RCAN2: variants seen among roughly 807,000 people sequenced by gnomAD.
RCAN2 encodes the protein calcipressin-2.
A neutral mutation model predicts 23.6 loss-of-function variants in RCAN2; 9 were observed. The observed-to-expected ratio is 0.38, with a 90% confidence interval of 0.23 to 0.67. The LOEUF (loss-of-function observed/expected upper bound fraction) is 0.67. Ranked by LOEUF, RCAN2 falls within the 30% of genes least tolerant of loss-of-function variation. The probability of loss-of-function intolerance (pLI) is 0.51; values close to 1 mark genes in which losing one functional copy is unlikely to be tolerated. For missense variants in RCAN2, 273 were observed against 302.3 expected, an observed-to-expected ratio of 0.90 and a Z score of 0.72; for synonymous variants, 109 against 115.7, an observed-to-expected ratio of 0.94 and a Z score of 0.37.
At chr6:46,306,106 C>T (rs1763058541) in intron 2 of RCAN2, among the ~76,000 whole-genome samples, 1 of 152,046 alleles carries the variant, frequency 6.6e-6, no homozygotes, top group South Asian at 2.1e-4. Context: ...TACAAAATGC[C>T]TCTGATTACA....
In RCAN2 at chr6:46,233,888, C is replaced by T. The variant is rs188072680; in HGVS notation, c.572-10587G>A. 1.2e-4 allele frequency among the ~76,000 whole-genome samples: 19 copies of T among 152,116 alleles called. No individual in the cohort carries two copies. In the East Asian group the frequency reaches 1.9e-3, roughly 15 times the overall value. ...GATTACAGGCACCTACGATCACACC[C>T]GGCTAATTTTTTGTATTTTTAGTAG... On this transcript the variant is annotated intron_variant, in intron 4 of 4. Coordinates refer to ENST00000371374, the MANE Select transcript of RCAN2 (RefSeq NM_001251974.2).
At chr6:46,347,963 T>C (rs1764537457) in intron 2 of RCAN2, among the ~76,000 whole-genome samples, 1 of 152,172 alleles carries the variant, frequency 6.6e-6, no homozygotes, top group African/African-American at 2.4e-5. Flanking sequence ...TGAGAATAAA[T>C]AAGTAAGACC....
intron 2 of RCAN2, among the ~76,000 whole-genome samples, chr6:46,278,764 G>A (rs1480293581): frequency 6.6e-6 from 1 of 152,076 alleles, no homozygotes; most frequent in Non-Finnish European, 1.5e-5. Flanking sequence ...ATTTGGATTT[G>A]TTTGCTGTTT....
At chr6:46,349,298 G>T (rs145138661) in intron 2 of RCAN2, among the ~76,000 whole-genome samples, 1 of 152,092 alleles carries the variant, frequency 6.6e-6, no homozygotes, top group Admixed American at 6.6e-5. Flanking sequence ...CACAAGTAAA[G>T]AAACATCTGT....
rs769160624 is a variant in RCAN2 at position 46,440,393 on chromosome 6, C to CA, written c.225+16358dup. Among the ~76,000 whole-genome samples, 1,094 of 127,956 alleles carry CA rather than the reference C, an allele frequency of 8.5e-3. 6 individuals carry two copies. Among genetic ancestry groups the CA allele is most frequent in the African/African-American group, 0.027 (932 of 34,942 alleles). 83.9% of individuals were successfully genotyped at this position (127,956 alleles called of 152,430 possible). On this transcript the variant is annotated intron_variant, in intron 2 of 4. Coordinates refer to ENST00000371374, the MANE Select transcript of RCAN2 (RefSeq NM_001251974.2). The stretch of plus-strand genomic sequence containing the variant: ...TTTTTCTAAACCATATGAGTCACGG[C>CA]AAAAAAAAAAAAAGTTTGTGTGCAT...
At chr6:46,449,316 A>T (rs1453424162) in intron 2 of RCAN2, among the ~76,000 whole-genome samples, 1 of 151,590 alleles carries the variant, frequency 6.6e-6, no homozygotes, top group Non-Finnish European at 1.5e-5. Flanking sequence ...ATAATGAAGG[A>T]ATCTGAAGAA....
chr6:46,392,304 G>C (rs886269177), intron 2 of RCAN2, among the ~76,000 whole-genome samples: 1 of 152,100 alleles, frequency 6.6e-6, no homozygotes, highest in South Asian at 2.1e-4. Flanking sequence ...TATGGAAAAA[G>C]AAAGAAATCT....
At chr6:46,416,613 C>T (rs553653325) in intron 2 of RCAN2, among the ~76,000 whole-genome samples, 139 of 151,908 alleles carry the variant, frequency 9.2e-4, no homozygotes, top group Non-Finnish European at 1.8e-3. Context: ...CTCCCAGGCT[C>T]AAGCAATCCT....
chr6:46,460,243 G>A (rs1365991852), intron 1 of RCAN2, among the ~76,000 whole-genome samples: 1 of 151,864 alleles, frequency 6.6e-6, no homozygotes, highest in African/African-American at 2.4e-5. Context: ...TTTATTTTTT[G>A]TAGAGATGAG....
intron 2 of RCAN2, among the ~76,000 whole-genome samples, chr6:46,297,953 T>C (rs760457416): frequency 6.6e-6 from 1 of 152,092 alleles, no homozygotes; most frequent in Non-Finnish European, 1.5e-5. Context: ...TGAGTGAAAA[T>C]GGAACTGAAA....
At chr6:46,438,978 A>T (rs1767450529) in intron 2 of RCAN2, among the ~76,000 whole-genome samples, 1 of 152,224 alleles carries the variant, frequency 6.6e-6, no homozygotes, top group South Asian at 2.1e-4. Context: ...ATATCTTAGA[A>T]TATCTTAGGA....
chr6:46,417,837 C>T (rs890161919), intron 2 of RCAN2, among the ~76,000 whole-genome samples: 1 of 152,172 alleles, frequency 6.6e-6, no homozygotes, highest in Non-Finnish European at 1.5e-5. Flanking sequence ...AGGCACTGTG[C>T]CAGGTAATTT....
intron 1 of RCAN2, among the ~76,000 whole-genome samples, chr6:46,488,697 TCTTA>T (rs1769060069): frequency 6.6e-6 from 1 of 152,328 alleles, no homozygotes; most frequent in East Asian, 1.9e-4. Flanking sequence ...TCAAGTCTCC[TCTTA>T]TTTACTCCCT....
At chr6:46,377,806 T>G (rs1765518111) in intron 2 of RCAN2, among the ~76,000 whole-genome samples, 1 of 152,142 alleles carries the variant, frequency 6.6e-6, no homozygotes, top group Non-Finnish European at 1.5e-5. Context: ...GAGCATGAAA[T>G]TTGGAGTCAG....
At position 46,405,775 on chromosome 6, in the gene RCAN2, G is replaced by T. The variant is rs367956417; in HGVS notation, c.225+50977C>A. ...CCGCACCGTGCGCTCGCACTCCTCA[G>T]CCCTTGGGTGGTCCATGGGACTGGG... On this transcript the variant is annotated intron_variant, in intron 2 of 4. Transcript: ENST00000371374. Among the ~76,000 whole-genome samples the T allele has an allele frequency of 9.1e-4, 138 of 152,328 alleles. 1 individual carries two copies. The highest frequency in any genetic ancestry group is 3.0e-3 in the African/African-American group (125 of 41,588).
intron 2 of RCAN2, among the ~76,000 whole-genome samples, chr6:46,381,139 C>T (rs1487210127): frequency 2.0e-5 from 3 of 152,160 alleles, no homozygotes; most frequent in African/African-American, 4.8e-5. Context: ...TTTATAAGTG[C>T]ATTTTCATAT....
chr6:46,247,062 ATACCATG>A, intron 3 of RCAN2, 143 bp from the exon 4 acceptor site: 1 of 640,948 alleles, frequency 1.6e-6, no homozygotes, highest in East Asian at 3.0e-5. Context: ...CACTTACCAC[ATACCATG>A]TGCTCAATTG....
intron 2 of RCAN2, among the ~76,000 whole-genome samples, chr6:46,335,119 C>A (rs1309634189): frequency 6.6e-6 from 1 of 152,156 alleles, no homozygotes; most frequent in Non-Finnish European, 1.5e-5. Flanking sequence ...GAGGATTTTC[C>A]AAACCTAAAC....
chr6:46,385,771 C>T (rs563337167), intron 2 of RCAN2, among the ~76,000 whole-genome samples: 56 of 142,748 alleles, frequency 3.9e-4, no homozygotes, highest in African/African-American at 1.4e-3. Flanking sequence ...GCATGAGAAT[C>T]GTTTGAACCT....
Sources: gnomAD v4.1 joint callset for allele counts (sites outside exome capture counted in the v4.1 genomes callset) on GRCh38, gnomAD v4.1.1 for gene constraint, MANE v1.5 for transcripts, NCBI Gene and HGNC (gene_info 2026-07-23, HGNC 2026-07-21) for gene names.